Variants in DDX6 observed in about 807,000 individuals in gnomAD.
The protein encoded by DDX6 is DEAD-box helicase 6.
In DDX6, 7 loss-of-function variants were observed where a neutral mutation model predicts 60.6. The ratio of observed to expected loss-of-function variants is 0.12; its 90% CI spans 0.07 to 0.22. The LOEUF (loss-of-function observed/expected upper bound fraction) is 0.22. DDX6 is among the 10% of genes least tolerant of loss of function. DDX6 has a pLI of 1.00. For synonymous variants in DDX6, 207 were observed against 201.0 expected (o/e 1.03, Z -0.25); for missense variants, 270 against 589.9 (o/e 0.46, Z 5.62).
At chr11:118,791,431 G>T (rs2137584246), upstream of DDX6, 1 of 152,322 alleles carries the variant, frequency 6.6e-6, no homozygotes, top group Middle Eastern at 3.4e-3. Context: ...CTTTCTGAAG[G>T]GACAGGACGG....
chr11:118,772,387 G>A (rs1377268843), intron 4 of DDX6, among the ~76,000 whole-genome samples: 1 of 152,208 alleles, frequency 6.6e-6, no homozygotes, highest in South Asian at 2.1e-4. Context: ...CTAAGTCAAA[G>A]AAGCCAGTCA....
chr11:118,754,113 A>C (rs1486290686), intron 13 of DDX6, among the ~76,000 whole-genome samples: 1 of 151,880 alleles, frequency 6.6e-6, no homozygotes, highest in East Asian at 1.9e-4. Flanking sequence ...AAACAACAAA[A>C]ATCCCCCCTA....
chr11:118,785,352 AAAG>A (rs970283025), intron 2 of DDX6, among the ~76,000 whole-genome samples: 2 of 151,948 alleles, frequency 1.3e-5, no homozygotes, highest in Non-Finnish European at 2.9e-5. Context: ...TTTATATGTA[AAAG>A]GAGGAAAAAA....
chr11:118,758,673 T>A, intron 9 of DDX6, 101 bp downstream of exon 9: 1 of 1,420,198 alleles, frequency 7.0e-7, no homozygotes, highest in Non-Finnish European at 9.5e-7. Flanking sequence ...CCAGAAACAC[T>A]ACGAACTTTT....
chr11:118,762,258 A>T (rs1416966489), intron 7 of DDX6, among the ~76,000 whole-genome samples: 4 of 139,476 alleles, frequency 2.9e-5, no homozygotes, highest in Non-Finnish European at 6.2e-5. Flanking sequence ...TCTGGGTGAC[A>T]GAGTGAGTCT....
At chr11:118,775,380 A>G (rs1326480261) in intron 4 of DDX6, among the ~76,000 whole-genome samples, 1 of 152,190 alleles carries the variant, frequency 6.6e-6, no homozygotes, top group African/African-American at 2.4e-5. Flanking sequence ...CTATGAAAAT[A>G]AAAATTTAAA....
chr11:118,785,423 T>C (rs1862042123), intron 2 of DDX6, among the ~76,000 whole-genome samples: 2 of 151,922 alleles, frequency 1.3e-5, no homozygotes, highest in Non-Finnish European at 2.9e-5. Context: ...TAGGCTGGTC[T>C]CAAACTCCTG....
chr11:118,784,075 G>C (rs1219169574), intron 2 of DDX6, among the ~76,000 whole-genome samples: 1 of 114,728 alleles, frequency 8.7e-6, no homozygotes, highest in African/African-American at 3.3e-5. Context: ...GCAACAAAGT[G>C]AGACCCTGTC....
intron 3 of DDX6, among the ~76,000 whole-genome samples, chr11:118,779,968 T>A (rs1861835225): frequency 1.3e-5 from 2 of 151,496 alleles, no homozygotes; most frequent in African/African-American, 4.8e-5. Context: ...ATACAAAAAA[T>A]TAGCCAGGGT....
In DDX6 at chr11:118,777,381, T is replaced by C. The variant is rs536775626; in HGVS notation, c.369+2251A>G. ...CCTATGTATAATGCATGTTTATATG[T>C]ACGTGTATATTTATGTGTATGTGTG... On this transcript the variant is annotated intron_variant, in intron 4 of 13. Coordinates refer to ENST00000534980, the MANE Select transcript of DDX6 (RefSeq NM_004397.6). Among the ~76,000 whole-genome samples the C allele has an allele frequency of 1.2e-4, 18 of 152,280 alleles. No individual in the cohort carries two copies. In the South Asian group the frequency reaches 3.7e-3, roughly 32 times the overall value.
intron 1 of DDX6, chr11:118,790,891 G>A (rs1222391087): frequency 2.6e-5 from 4 of 152,566 alleles, no homozygotes; most frequent in Non-Finnish European, 5.9e-5. Flanking sequence ...TCCTACCAAC[G>A]AGGCCACTCC....
At chr11:118,789,305 TG>T (rs1862188542) in intron 1 of DDX6, 1 of 152,170 alleles carries the variant, frequency 6.6e-6, no homozygotes, top group Admixed American at 6.5e-5. Context: ...ATCGAACTCC[TG>T]ACCTCAGCTG....
chr11:118,780,114 CAAAAAAAAAA>C (rs71044492), intron 3 of DDX6, among the ~76,000 whole-genome samples: 9 of 40,284 alleles, frequency 2.2e-4, no homozygotes, highest in East Asian at 1.0e-3. Flanking sequence ...GACTCTATCT[CAAAAAAAAAA>C]AAAAAAAAAA....
At position 118,754,687 on chromosome 11, in the gene DDX6, G is replaced by C; in HGVS notation, c.*7+18C>G. On this transcript the variant is annotated intron_variant, in intron 13 of 13. Coordinates refer to ENST00000534980, the MANE Select transcript of DDX6 (RefSeq NM_004397.6). Reference sequence around the variant, plus strand: ...CCTCATTTAAAGGTTCCTCTTAGCTGTTCTGTCAGGGACGTACATGCTTGT... The same window carrying C: ...CCTCATTTAAAGGTTCCTCTTAGCTCTTCTGTCAGGGACGTACATGCTTGT... The C allele has an allele frequency of 6.3e-7, 1 of 1,577,206 alleles. No homozygotes were observed. The highest frequency in any genetic ancestry group is 8.6e-7 in the Non-Finnish European group (1 of 1,167,712).
Position 118,786,458 on chromosome 11 carries a change from T to C in DDX6, c.-207A>G, listed in dbSNP as rs773395673. On this transcript the variant is annotated 5_prime_UTR_variant, in exon 2 of 14. Coordinates refer to ENST00000534980, the MANE Select transcript of DDX6 (RefSeq NM_004397.6). ...ACTTGCTCTCTTGCACGGAATCAAC[T>C]TTTTATTTTTAAAAAGCCCTCTAAC... 2.6e-6 allele frequency: 1 copy of C among 383,986 alleles called. No homozygotes were observed. Among genetic ancestry groups the C allele is most frequent in the Non-Finnish European group, 4.6e-6 (1 of 217,780 alleles). 23.8% of individuals were successfully genotyped at this position (383,986 alleles called of 1,614,324 possible). A position where few individuals can be genotyped will look rare whatever the true frequency, so the allele number is the denominator to read the frequency against.
At chr11:118,761,467 T>C (rs1861162915) in intron 7 of DDX6, among the ~76,000 whole-genome samples, 1 of 150,388 alleles carries the variant, frequency 6.6e-6, no homozygotes, top group Admixed American at 6.7e-5. Context: ...AAGTACAAAA[T>C]TAGCCCGGCA....
At chr11:118,755,736 G>C (rs1368327007) in intron 11 of DDX6, among the ~76,000 whole-genome samples, 1 of 151,622 alleles carries the variant, frequency 6.6e-6, no homozygotes, top group Non-Finnish European at 1.5e-5. Flanking sequence ...GTCTAAAAGA[G>C]GCTGGGTGCA....
chr11:118,779,776 C>A, intron 3 of DDX6, 40 bp from the exon 4 acceptor site: 1 of 1,438,644 alleles, frequency 7.0e-7, no homozygotes, highest in Non-Finnish European at 9.6e-7. Flanking sequence ...ATAAATAACA[C>A]TGTTGGTAAA....
chr11:118,784,871 C>T (rs1305028668), intron 2 of DDX6, among the ~76,000 whole-genome samples: 1 of 152,156 alleles, frequency 6.6e-6, no homozygotes, highest in Non-Finnish European at 1.5e-5. Flanking sequence ...CTGCCTCAGC[C>T]TCCCAAGTAG....
Sources: gnomAD v4.1 joint callset for allele counts (sites outside exome capture counted in the v4.1 genomes callset) on GRCh38, gnomAD v4.1.1 for gene constraint, MANE v1.5 for transcripts, NCBI Gene and HGNC (gene_info 2026-07-23, HGNC 2026-07-21) for gene names.